The following FER variants were observed in gnomAD, a reference collection of about 807,000 sequenced individuals.
The protein encoded by FER is FER tyrosine kinase.
A neutral mutation model predicts 111.0 loss-of-function variants in FER; 63 were observed. The observed-to-expected ratio is 0.57, with a 90% CI of 0.46 to 0.70. The LOEUF (loss-of-function observed/expected upper bound fraction) is 0.70. Among genes scored for constraint, FER ranks in the 30% least tolerant of loss-of-function variants. The pLI, the probability that FER is intolerant of heterozygous loss-of-function variation, is 0.00. For synonymous variants in FER, 327 were observed against 313.9 expected, an observed-to-expected ratio of 1.04 and a Z score of -0.44; for missense variants, 914 against 954.0, an observed-to-expected ratio of 0.96 and a Z score of 0.55.
intron 1 of FER, among the ~76,000 whole-genome samples, chr5:108,759,474 G>A (rs1447806486): frequency 3.3e-5 from 5 of 152,144 alleles, no homozygotes; most frequent in Admixed American, 3.3e-4. Flanking sequence ...TTAGGTATTT[G>A]TTATAGCAAC....
intron 13 of FER, among the ~76,000 whole-genome samples, chr5:109,002,839 T>A (rs1764980559): frequency 6.6e-6 from 1 of 152,250 alleles, no homozygotes; most frequent in African/African-American, 2.4e-5. Context: ...GAAGACATTT[T>A]TGTATCCAAA....
chr5:109,034,674 G>GT (rs1407241018), intron 13 of FER, among the ~76,000 whole-genome samples: 1 of 151,790 alleles, frequency 6.6e-6, no homozygotes, highest in Non-Finnish European at 1.5e-5. Flanking sequence ...TTGTTTGGTT[G>GT]TTTTTTCTTT....
At chr5:108,986,754 G>C (rs1176397007) in intron 13 of FER, among the ~76,000 whole-genome samples, 1 of 152,102 alleles carries the variant, frequency 6.6e-6, no homozygotes, top group African/African-American at 2.4e-5. Context: ...TCAGTTGACT[G>C]TAAGTATTTG....
intron 17 of FER, among the ~76,000 whole-genome samples, chr5:109,126,195 G>A (rs1257445834): frequency 1.3e-5 from 2 of 152,210 alleles, no homozygotes; most frequent in East Asian, 3.9e-4. Context: ...GGGTGAGATA[G>A]CTGCTTAGGC....
intron 3 of FER, among the ~76,000 whole-genome samples, chr5:108,809,301 T>C (rs1757511032): frequency 6.6e-6 from 1 of 152,188 alleles, no homozygotes; most frequent in South Asian, 2.1e-4. Context: ...AAAATTCTTT[T>C]TTATTTACTT....
chr5:109,113,019 G>A (rs1198944728), intron 17 of FER, among the ~76,000 whole-genome samples: 1 of 152,058 alleles, frequency 6.6e-6, no homozygotes, highest in African/African-American at 2.4e-5. Context: ...TACCTGTCAA[G>A]CTGTCTTTTC....
intron 5 of FER, among the ~76,000 whole-genome samples, chr5:108,854,338 G>T (rs998792700): frequency 1.3e-5 from 2 of 152,040 alleles, no homozygotes; most frequent in Admixed American, 1.3e-4. Flanking sequence ...TTATACTTCG[G>T]CACTAGAGCC....
chr5:109,152,054 T>C lies in FER; in HGVS notation c.2049-28693T>C, dbSNP rs543566864. ...ATTTTATTCCATGATGTAAATAATA[T>C]CTCCATTTGAGTTTAATTCCAGGAA... On this transcript the variant is annotated intron_variant, in intron 17 of 19. Coordinates refer to ENST00000281092, the MANE Select transcript of FER (RefSeq NM_005246.4). Among the ~76,000 whole-genome samples, 8 of 152,198 alleles carry C rather than the reference T, an allele frequency of 5.3e-5. No homozygotes were observed. The East Asian group carries it at 1.2e-3, about 22-fold the overall frequency.
intron 13 of FER, among the ~76,000 whole-genome samples, chr5:109,027,826 A>C (rs1768974216): frequency 6.6e-6 from 1 of 152,196 alleles, no homozygotes; most frequent in Non-Finnish European, 1.5e-5. Context: ...TACATTTGTG[A>C]GGCAAAATTC....
At chr5:108,887,908 G>A (rs896608222) in intron 9 of FER, among the ~76,000 whole-genome samples, 1 of 151,718 alleles carries the variant, frequency 6.6e-6, no homozygotes, top group African/African-American at 2.4e-5. Flanking sequence ...TGAATGCTTG[G>A]TTTGATTTAC....
chr5:109,108,873 C>T (rs1039214340), intron 17 of FER, among the ~76,000 whole-genome samples: 2 of 152,142 alleles, frequency 1.3e-5, no homozygotes, highest in Non-Finnish European at 2.9e-5. Context: ...AACTAGAGAA[C>T]TCTAGCTGGA....
intron 9 of FER, chr5:108,894,495 A>G (rs547656873): frequency 1.2e-4 from 50 of 402,020 alleles, no homozygotes; most frequent in Admixed American, 2.2e-4. Flanking sequence ...CTCAGAGTCT[A>G]TGACACTGAT....
intron 16 of FER, among the ~76,000 whole-genome samples, chr5:109,068,323 A>G (rs1400739506): frequency 6.6e-6 from 1 of 152,004 alleles, no homozygotes; most frequent in African/African-American, 2.4e-5. Flanking sequence ...AGCTGGGGCT[A>G]TAGGCGCCCG....
At chr5:108,863,310 G>A (rs1763716447) in intron 5 of FER, among the ~76,000 whole-genome samples, 1 of 152,040 alleles carries the variant, frequency 6.6e-6, no homozygotes, top group Non-Finnish European at 1.5e-5. Flanking sequence ...TAGTAGAGAT[G>A]GGGTTTCACT....
intron 17 of FER, among the ~76,000 whole-genome samples, chr5:109,122,533 A>AT (rs983318752): frequency 4.0e-5 from 6 of 148,436 alleles, no homozygotes; most frequent in Non-Finnish European, 3.0e-5. Context: ...AAAAAAAAAA[A>AT]GGCATGTTCT....
At chr5:108,787,375 A>G (rs2150013747) in intron 2 of FER, among the ~76,000 whole-genome samples, 1 of 152,156 alleles carries the variant, frequency 6.6e-6, no homozygotes, top group East Asian at 1.9e-4. Flanking sequence ...GCCTCTTGGG[A>G]CAGTCAGTTT....
intron 12 of FER, among the ~76,000 whole-genome samples, chr5:108,955,824 TAC>T (rs755367664): frequency 6.6e-6 from 1 of 151,824 alleles, no homozygotes; most frequent in Non-Finnish European, 1.5e-5. Flanking sequence ...CAGGTGTATG[TAC>T]ACAGACATGC....
At chr5:109,050,467 C>T (rs1257844730) in intron 16 of FER, among the ~76,000 whole-genome samples, 2 of 152,100 alleles carry the variant, frequency 1.3e-5, no homozygotes, top group Non-Finnish European at 2.9e-5. Context: ...AAACAAACTT[C>T]CACACACATA....
At position 109,187,762 on chromosome 5, in the gene FER, T is replaced by TA; in HGVS notation, c.*188dup. On this transcript the variant is annotated 3_prime_UTR_variant, in exon 20 of 20. Transcript: ENST00000281092. ...GTCAAAGGCAAATTTGTTAAAGAAA[T>TA]AGGCAGTCCTACCAAGGGCTTTCTT... 4.5e-6 allele frequency: 3 copies of TA among 662,826 alleles called. No homozygotes were observed. The South Asian group carries it at 6.0e-5, about 13-fold the overall frequency. 41.1% of individuals were successfully genotyped at this position (662,826 alleles called of 1,614,324 possible).
Sources: gnomAD v4.1 joint callset for allele counts (sites outside exome capture counted in the v4.1 genomes callset) on GRCh38, gnomAD v4.1.1 for gene constraint, MANE v1.5 for transcripts, NCBI Gene and HGNC (gene_info 2026-07-23, HGNC 2026-07-21) for gene names.